The following RGS6 variants were observed in gnomAD, a reference collection of about 807,000 sequenced individuals.
The protein encoded by RGS6 is regulator of G protein signaling 6.
In RGS6, 30 loss-of-function variants were observed where a neutral mutation model predicts 78.5. That is an observed-to-expected ratio of 0.38 (90% confidence interval 0.29 to 0.52). The LOEUF (loss-of-function observed/expected upper bound fraction) is 0.52. RGS6 is among the 20% of genes least tolerant of loss of function. RGS6 has a pLI of 0.85. For missense variants in RGS6, 495 were observed against 609.7 expected (o/e 0.81, Z 1.98); for synonymous variants, 206 against 206.0 (o/e 1.00, Z 0.00).
chr14:71,985,411 C>T (rs547153456), intron 2 of RGS6, among the ~76,000 whole-genome samples: 27 of 152,186 alleles, frequency 1.8e-4, no homozygotes, highest in African/African-American at 6.0e-4. Context: ...TGTGAGCCAC[C>T]GCACCTGGCT....
intron 2 of RGS6, among the ~76,000 whole-genome samples, chr14:72,163,555 C>T (rs1416921433): frequency 6.6e-6 from 1 of 152,202 alleles, no homozygotes; most frequent in Non-Finnish European, 1.5e-5. Flanking sequence ...TGGGGGAAAA[C>T]CCAGACAAGA....
intron 3 of RGS6, among the ~76,000 whole-genome samples, chr14:72,377,327 A>G (rs2084999851): frequency 6.6e-6 from 1 of 152,228 alleles, no homozygotes; most frequent in South Asian, 2.1e-4. Context: ...TGACGAAGAG[A>G]TTAATTCAGC....
the RGS6 span, among the ~76,000 whole-genome samples, chr14:71,903,746 T>A: frequency 6.6e-6 from 1 of 152,358 alleles, no homozygotes; most frequent in East Asian, 1.9e-4. Context: ...CTAAATATAG[T>A]GAGACTGTCA....
chr14:72,453,461 A>G (rs2095546237), intron 3 of RGS6, among the ~76,000 whole-genome samples: 1 of 129,486 alleles, frequency 7.7e-6, no homozygotes, highest in South Asian at 2.3e-4. Context: ...TAAAAATACA[A>G]AAAAATTAGC....
At chr14:72,042,071 T>G (rs1162210020) in intron 2 of RGS6, among the ~76,000 whole-genome samples, 1 of 152,074 alleles carries the variant, frequency 6.6e-6, no homozygotes, top group Non-Finnish European at 1.5e-5. Context: ...CTGCCTACTT[T>G]CAGGGTATTA....
the RGS6 span, among the ~76,000 whole-genome samples, chr14:71,912,641 C>T: frequency 6.6e-6 from 1 of 152,064 alleles, no homozygotes; most frequent in Non-Finnish European, 1.5e-5. Flanking sequence ...AGATAGACCA[C>T]CTGGTACCAG....
the RGS6 span, among the ~76,000 whole-genome samples, chr14:71,905,060 G>A: frequency 5.3e-5 from 8 of 152,112 alleles, no homozygotes; most frequent in South Asian, 4.1e-4. Flanking sequence ...TGTTATGCAC[G>A]AAAATTTGAA....
intron 2 of RGS6, among the ~76,000 whole-genome samples, chr14:71,970,631 T>C (rs2093743717): frequency 6.6e-6 from 1 of 152,152 alleles, no homozygotes. Context: ...CTGCAGGTCC[T>C]GGTGACTAAG....
At chr14:72,582,030 T>C in the RGS6 span, among the ~76,000 whole-genome samples, 1 of 152,218 alleles carries the variant, frequency 6.6e-6, no homozygotes, top group Non-Finnish European at 1.5e-5. Flanking sequence ...CAGAGGTATT[T>C]TGGCTTTATA....
intron 2 of RGS6, among the ~76,000 whole-genome samples, chr14:72,269,250 C>CA (rs2059551713): frequency 6.6e-6 from 1 of 152,208 alleles, no homozygotes; most frequent in Non-Finnish European, 1.5e-5. Context: ...TGATGCCCAA[C>CA]ACACAGGCAG....
chr14:72,208,882 G>A (rs1258262534), intron 2 of RGS6, among the ~76,000 whole-genome samples: 1 of 152,046 alleles, frequency 6.6e-6, no homozygotes, highest in Admixed American at 6.6e-5. Context: ...CCCATGATAG[G>A]TCTATTACTA....
chr14:71,950,587 A>G (rs1220522015), intron 1 of RGS6, among the ~76,000 whole-genome samples: 1 of 152,138 alleles, frequency 6.6e-6, no homozygotes, highest in South Asian at 2.1e-4. Flanking sequence ...ATAATTAAGG[A>G]GCTTCTGCAT....
chr14:72,320,917 G>A (rs901941598), intron 2 of RGS6, among the ~76,000 whole-genome samples: 4 of 149,186 alleles, frequency 2.7e-5, no homozygotes, highest in Non-Finnish European at 5.9e-5. Flanking sequence ...AAGTATATTA[G>A]TAAATTAATA....
intron 2 of RGS6, among the ~76,000 whole-genome samples, chr14:72,121,319 G>A (rs1294557699): frequency 6.6e-6 from 1 of 152,174 alleles, no homozygotes; most frequent in East Asian, 1.9e-4. Flanking sequence ...CTGATAAATG[G>A]CTCCATTCCA....
intron 13 of RGS6, among the ~76,000 whole-genome samples, chr14:72,500,518 A>G (rs1340389667): frequency 3.3e-5 from 5 of 152,248 alleles, no homozygotes; most frequent in Admixed American, 6.5e-5. Flanking sequence ...ACATTTGTAT[A>G]GTAGTCAACT....
the RGS6 span, among the ~76,000 whole-genome samples, chr14:72,603,752 A>C: frequency 6.6e-6 from 1 of 152,142 alleles, no homozygotes; most frequent in Non-Finnish European, 1.5e-5. Context: ...GTGGAGAACG[A>C]GTATGTATGC....
chr14:72,010,757 C>T (rs566481174), intron 2 of RGS6, among the ~76,000 whole-genome samples: 3 of 152,312 alleles, frequency 2.0e-5, no homozygotes, highest in Non-Finnish European at 4.4e-5. Flanking sequence ...AATCTTCAAT[C>T]AGCCTGATGA....
chr14:71,944,356 T>C (rs1286594255), intron 1 of RGS6, among the ~76,000 whole-genome samples: 2 of 152,210 alleles, frequency 1.3e-5, no homozygotes, highest in Non-Finnish European at 2.9e-5. Context: ...TCACTTGCCC[T>C]AAGTCAGATA....
At chr14:71,869,974 C>T in the RGS6 span, among the ~76,000 whole-genome samples, 1 of 152,290 alleles carries the variant, frequency 6.6e-6, no homozygotes, top group East Asian at 1.9e-4. Flanking sequence ...GACTTCTCAT[C>T]CTCCAGAACT....
Sources: gnomAD v4.1 joint callset for allele counts (sites outside exome capture counted in the v4.1 genomes callset) on GRCh38, gnomAD v4.1.1 for gene constraint, MANE v1.5 for transcripts, NCBI Gene and HGNC (gene_info 2026-07-23, HGNC 2026-07-21) for gene names.